Variants in SHTN1 observed in about 807,000 individuals in gnomAD.
The protein encoded by SHTN1 is shootin-1.
A neutral mutation model predicts 83.1 loss-of-function variants in SHTN1; 42 were observed. The observed-to-expected ratio is 0.51, with a 90% CI of 0.39 to 0.65. The LOEUF is 0.65. Among genes scored for constraint, SHTN1 ranks in the 30% least tolerant of loss-of-function variants. The pLI, the probability that SHTN1 is intolerant of heterozygous loss-of-function variation, is 0.00. For synonymous variants in SHTN1, 224 were observed against 247.7 expected, an observed-to-expected ratio of 0.90 and a Z score of 0.90; for missense variants, 622 against 737.8, an observed-to-expected ratio of 0.84 and a Z score of 1.82.
At chr10:117,099,367 C>T (rs961644612) in intron 1 of SHTN1, among the ~76,000 whole-genome samples, 1 of 151,832 alleles carries the variant, frequency 6.6e-6, no homozygotes, top group African/African-American at 2.4e-5. Flanking sequence ...AACCAGTACC[C>T]CAAAAACTAT....
At chr10:117,092,232 A>G (rs1853441119) in intron 1 of SHTN1, among the ~76,000 whole-genome samples, 1 of 152,208 alleles carries the variant, frequency 6.6e-6, no homozygotes, top group South Asian at 2.1e-4. Context: ...CATGGGCTTA[A>G]ATGATCCCCA....
intron 12 of SHTN1, among the ~76,000 whole-genome samples, chr10:116,921,047 T>TG (rs1328257927): frequency 6.6e-6 from 1 of 152,202 alleles, no homozygotes; most frequent in Non-Finnish European, 1.5e-5. Flanking sequence ...TTCTATATCG[T>TG]GTACCTCCAG....
chr10:117,125,276 C>T (rs868433477), intron 1 of SHTN1, among the ~76,000 whole-genome samples: 1 of 152,136 alleles, frequency 6.6e-6, no homozygotes, highest in Non-Finnish European at 1.5e-5. Context: ...TGAACAGAGA[C>T]GGTCATAGGC....
intron 1 of SHTN1, among the ~76,000 whole-genome samples, chr10:117,086,229 G>A (rs991048642): frequency 7.2e-5 from 11 of 152,092 alleles, no homozygotes; most frequent in Admixed American, 3.3e-4. Context: ...GAGCCACCGC[G>A]CCCGGCCGTC....
chr10:117,002,937 T>A (rs1851873850), intron 1 of SHTN1, among the ~76,000 whole-genome samples: 1 of 152,166 alleles, frequency 6.6e-6, no homozygotes, highest in Non-Finnish European at 1.5e-5. Context: ...TATTTTCCAA[T>A]ACAATGCAAT....
chr10:117,030,019 T>C (rs1035145030), intron 2 of SHTN1, among the ~76,000 whole-genome samples: 2 of 151,632 alleles, frequency 1.3e-5, no homozygotes, highest in Admixed American at 1.3e-4. Flanking sequence ...CTCCCAAGTG[T>C]CTGGGCCTAC....
intron 1 of SHTN1, among the ~76,000 whole-genome samples, chr10:117,084,753 A>G (rs528284646): frequency 1.3e-5 from 2 of 152,292 alleles, no homozygotes; most frequent in East Asian, 3.9e-4. Context: ...CCGTTTTTTA[A>G]GCCCGTCGGA....
intron 2 of SHTN1, among the ~76,000 whole-genome samples, chr10:117,033,370 T>C (rs1852448835): frequency 6.6e-6 from 1 of 151,884 alleles, no homozygotes; most frequent in Non-Finnish European, 1.5e-5. Flanking sequence ...ACTGCAGAAA[T>C]TCAAAGGATC....
rs772761164 is a variant in SHTN1, at chr10:116,944,981, T to C, written c.654A>G (p.Gln218=). ...GGTCCTTCTCCAGCTCCAGGTTTAC[T>C]TGCATCTCCTCATACTCTTCTACAG... The part of the protein sequence containing the change: ...MLAVEEYEEM[Q]VNLELEKDLR... The change falls in exon 8 of 17, where the codon CAA becomes CAG. Residue 218 remains glutamine, a synonymous_variant. Transcript: ENST00000355371. 6 of 1,611,932 alleles carry C rather than the reference T, an allele frequency of 3.7e-6. No homozygotes were observed. In the Admixed American group the frequency reaches 8.3e-5, roughly 22 times the overall value.
chr10:117,077,718 A>C (rs1370404809), intron 1 of SHTN1, among the ~76,000 whole-genome samples: 1 of 152,040 alleles, frequency 6.6e-6, no homozygotes. Context: ...TATGAGTGAG[A>C]ACATGCGGTG....
chr10:117,124,924 A>G (rs765976480), intron 1 of SHTN1, among the ~76,000 whole-genome samples: 1 of 152,212 alleles, frequency 6.6e-6, no homozygotes, highest in Non-Finnish European at 1.5e-5. Context: ...TGTGGGGGTT[A>G]AGGTGATGAC....
At chr10:117,000,691 C>T (rs1851793650) in intron 1 of SHTN1, among the ~76,000 whole-genome samples, 1 of 152,228 alleles carries the variant, frequency 6.6e-6, no homozygotes, top group African/African-American at 2.4e-5. Context: ...TCAGCATCCT[C>T]ATGGTAGTGC....
chr10:116,898,260 G>A (rs940015926), intron 16 of SHTN1, among the ~76,000 whole-genome samples: 3 of 151,872 alleles, frequency 2.0e-5, no homozygotes, highest in Admixed American at 6.6e-5. Flanking sequence ...CTTGGGTGGC[G>A]GAGGTTGCAG....
intron 8 of SHTN1, 150 bp from the exon 9 acceptor site, chr10:116,940,762 A>G: frequency 1.8e-6 from 1 of 543,438 alleles, no homozygotes; most frequent in East Asian, 3.1e-5. Context: ...AGTGATTGCT[A>G]TGATTTCATT....
chr10:117,060,073 C>T (rs1385218755), intron 1 of SHTN1, among the ~76,000 whole-genome samples: 1 of 151,932 alleles, frequency 6.6e-6, no homozygotes, highest in East Asian at 1.9e-4. Flanking sequence ...ATTAGCCAGG[C>T]ATGGTGGTGC....
intron 1 of SHTN1, among the ~76,000 whole-genome samples, chr10:117,100,452 A>G (rs1188488612): frequency 6.6e-6 from 1 of 152,214 alleles, no homozygotes; most frequent in African/African-American, 2.4e-5. Flanking sequence ...GATAATCAAT[A>G]AATGTATGTT....
chr10:116,926,508 A>G (rs1424782371), intron 11 of SHTN1, among the ~76,000 whole-genome samples: 2 of 152,200 alleles, frequency 1.3e-5, no homozygotes, highest in South Asian at 2.1e-4. Flanking sequence ...AACTACTTCA[A>G]TGGCTTAAAG....
At chr10:116,929,194 T>C (rs893097567) in intron 10 of SHTN1, among the ~76,000 whole-genome samples, 6 of 152,200 alleles carry the variant, frequency 3.9e-5, no homozygotes, top group Non-Finnish European at 7.3e-5. Flanking sequence ...ATAAAGGGAA[T>C]GTACCTGACT....
At chr10:116,917,989 T>C (rs963357508) in intron 12 of SHTN1, among the ~76,000 whole-genome samples, 45 of 152,196 alleles carry the variant, frequency 3.0e-4, no homozygotes, top group Non-Finnish European at 1.5e-5. Flanking sequence ...AAGCAATCTA[T>C]ACGAACTTCT....
Sources: allele counts gnomAD v4.1 joint callset (sites outside exome capture counted in the v4.1 genomes callset), GRCh38; gene constraint gnomAD v4.1.1; transcripts MANE v1.5; gene names NCBI Gene and HGNC (gene_info 2026-07-23, HGNC 2026-07-21).